Variants in MRPS35 observed in about 807,000 individuals in gnomAD.
The protein encoded by MRPS35 is small ribosomal subunit protein mS35.
Under a neutral mutation model 32.7 loss-of-function variants are expected in MRPS35, and 29 were observed. The ratio of observed to expected loss-of-function variants is 0.89; its 90% CI spans 0.66 to 1.21. The LOEUF is 1.21. Ranked by LOEUF, MRPS35 falls within the 50% of genes most tolerant of loss-of-function variation. MRPS35 has a pLI of 0.00. For missense variants in MRPS35, 373 were observed against 383.8 expected (o/e 0.97, Z 0.23); for synonymous variants, 148 against 139.3 (o/e 1.06, Z -0.44).
chr12:27,734,321 A>G (rs2061934493), intron 5 of MRPS35, among the ~76,000 whole-genome samples: 1 of 151,358 alleles, frequency 6.6e-6, no homozygotes, highest in Admixed American at 6.6e-5. Context: ...CAGCTCACCA[A>G]AACCTCCGCC....
chr12:27,744,990 C>G (rs1326601118), intron 7 of MRPS35, among the ~76,000 whole-genome samples: 1 of 152,152 alleles, frequency 6.6e-6, no homozygotes, highest in Non-Finnish European at 1.5e-5. Context: ...GGGTCTCACT[C>G]TTTCGCCCAG....
At chr12:27,753,658 A>G (rs1481937457) in intron 7 of MRPS35, among the ~76,000 whole-genome samples, 1 of 152,204 alleles carries the variant, frequency 6.6e-6, no homozygotes, top group Non-Finnish European at 1.5e-5. Flanking sequence ...GTTGTTATTC[A>G]GAATAATAGA....
At chr12:27,719,709 A>G (rs2034771513) in intron 3 of MRPS35, 99 bp from the exon 4 acceptor site, 3 of 725,842 alleles carry the variant, frequency 4.1e-6, no homozygotes, top group African/African-American at 1.8e-5. Context: ...TATTTACTAC[A>G]TGTTTTATTG....
chr12:27,719,395 G>A (rs966890010), intron 3 of MRPS35, among the ~76,000 whole-genome samples: 8 of 152,010 alleles, frequency 5.3e-5, no homozygotes, highest in African/African-American at 1.7e-4. Flanking sequence ...TTTTGGGCGC[G>A]GTGGCTCACG....
At chr12:27,719,166 G>A (rs1390101073) in intron 3 of MRPS35, among the ~76,000 whole-genome samples, 2 of 152,172 alleles carry the variant, frequency 1.3e-5, no homozygotes, top group Non-Finnish European at 2.9e-5. Flanking sequence ...ATGTATACCT[G>A]TAGATTTGTG....
At chr12:27,724,751 A>C (rs1405489841) in intron 5 of MRPS35, among the ~76,000 whole-genome samples, 1 of 152,150 alleles carries the variant, frequency 6.6e-6, no homozygotes, top group South Asian at 2.1e-4. Flanking sequence ...TCGGAAAAAA[A>C]AAAAATTACA....
intron 2 of MRPS35, 80 bp downstream of exon 2, chr12:27,714,900 G>T (rs1250600052): frequency 1.6e-6 from 2 of 1,255,236 alleles, no homozygotes; most frequent in African/African-American, 3.0e-5. Flanking sequence ...AAGGCAGAAG[G>T]GTGTTACCAG....
At chr12:27,750,264 A>T (rs1046562512) in intron 7 of MRPS35, among the ~76,000 whole-genome samples, 9 of 152,242 alleles carry the variant, frequency 5.9e-5, no homozygotes, top group African/African-American at 2.2e-4. Flanking sequence ...AATTTCTGAA[A>T]TCTGAAATCC....
chr12:27,716,783 T>C (rs2061852955), intron 3 of MRPS35, among the ~76,000 whole-genome samples: 1 of 151,456 alleles, frequency 6.6e-6, no homozygotes, highest in Admixed American at 6.6e-5. Context: ...AGGTCAGGAG[T>C]TCAAGACCAA....
At chr12:27,751,062 C>T (rs1394958203) in intron 7 of MRPS35, among the ~76,000 whole-genome samples, 1 of 125,734 alleles carries the variant, frequency 8.0e-6, no homozygotes, top group Non-Finnish European at 1.6e-5. Flanking sequence ...GAGATCATGG[C>T]ACTGCACTTC....
chr12:27,715,669 C>T (rs911121264), intron 2 of MRPS35, among the ~76,000 whole-genome samples: 3 of 152,214 alleles, frequency 2.0e-5, no homozygotes, highest in African/African-American at 7.2e-5. Context: ...ATATTGACTA[C>T]ACTGGTTTTG....
At chr12:27,751,774 A>T (rs1448316717) in intron 7 of MRPS35, among the ~76,000 whole-genome samples, 1 of 152,220 alleles carries the variant, frequency 6.6e-6, no homozygotes, top group African/African-American at 2.4e-5. Context: ...TAGCAGGGCA[A>T]TTATACCTTT....
chr12:27,740,636 A>T (rs986988973), intron 7 of MRPS35, among the ~76,000 whole-genome samples: 2 of 152,150 alleles, frequency 1.3e-5, no homozygotes, highest in African/African-American at 4.8e-5. Context: ...AGTAGCTGCT[A>T]ATTTTATGTA....
In MRPS35 at chr12:27,722,475, CTG is replaced by C. The variant is rs572527099; in HGVS notation, c.383-1570_383-1569del. ...TAATTTAGGTAATTTAATTTTAAAA[CTG>C]TAATTATCATTTGATGATTGAAATG... On this transcript the variant is annotated intron_variant, in intron 4 of 7. Transcript: ENST00000081029. 8.2e-4 allele frequency among the ~76,000 whole-genome samples: 124 copies of C among 151,992 alleles called. 1 individual carries two copies. Among genetic ancestry groups the C allele is most frequent in the Non-Finnish European group, 2.4e-4 (16 of 67,962 alleles).
chr12:27,736,993 A>G (rs982045390), intron 6 of MRPS35, among the ~76,000 whole-genome samples: 3 of 152,182 alleles, frequency 2.0e-5, no homozygotes, highest in African/African-American at 7.2e-5. Context: ...CTCCTGCCTC[A>G]GTTTCCCAAG....
chr12:27,754,744 G>A (rs1246699592), intron 7 of MRPS35, among the ~76,000 whole-genome samples: 1 of 142,742 alleles, frequency 7.0e-6, no homozygotes, highest in Non-Finnish European at 1.5e-5. Context: ...TCCAGCCTGG[G>A]TGACAGAGTG....
intron 1 of MRPS35, among the ~76,000 whole-genome samples, chr12:27,714,124 C>T (rs894676311): frequency 2.0e-5 from 3 of 151,100 alleles, no homozygotes; most frequent in Admixed American, 6.6e-5. Context: ...AAAAATTCAC[C>T]GTCATACAAA....
Position 27,735,534 on chromosome 12 carries a change from G to A in MRPS35, c.610G>A (p.Val204Met). The A allele has an allele frequency of 6.2e-7, 1 of 1,611,530 alleles. No individual in the cohort carries two copies. Among genetic ancestry groups the A allele is most frequent in the Non-Finnish European group, 8.5e-7 (1 of 1,179,086 alleles). The change falls in exon 6 of 8, where the codon GTG (valine) becomes ATG (methionine). Residue 204 changes from valine (V) to methionine (M), a missense_variant. Physicochemically the swap from Val to Met is conservative, Grantham distance 21. Coordinates refer to ENST00000081029, the MANE Select transcript of MRPS35 (RefSeq NM_021821.4). Reference sequence around the variant, plus strand: ...AGAGCGATACTGCAAGACCACAGATGTGCTTACCATCAAAACAGATAGGTA... The same window carrying A: ...AGAGCGATACTGCAAGACCACAGATATGCTTACCATCAAAACAGATAGGTA... The part of the protein sequence containing the change: ...VGERYCKTTD[V>M]LTIKTDRCPL...
intron 6 of MRPS35, 74 bp downstream of exon 6, chr12:27,735,630 T>A (rs1591799873): frequency 1.9e-6 from 2 of 1,070,738 alleles, no homozygotes; most frequent in East Asian, 2.4e-5. Context: ...GCAGTCCTTT[T>A]TAAAGAAACT....
Sources: gnomAD v4.1 joint callset for allele counts (sites outside exome capture counted in the v4.1 genomes callset) on GRCh38, gnomAD v4.1.1 for gene constraint, MANE v1.5 for transcripts, NCBI Gene and HGNC (gene_info 2026-07-23, HGNC 2026-07-21) for gene names.